The following SHANK2 variants were observed in gnomAD, a reference collection of about 807,000 sequenced individuals.
The protein encoded by SHANK2 is SH3 and multiple ankyrin repeat domains 2.
SHANK2 carries 43 observed loss-of-function variants against 133.7 expected under a neutral mutation model. The ratio of observed to expected loss-of-function variants is 0.32; its 90% confidence interval spans 0.25 to 0.41. The LOEUF (loss-of-function observed/expected upper bound fraction) is 0.41, where lower values mean the gene tolerates loss of function less well. Ranked by LOEUF, SHANK2 falls within the 10% of genes least tolerant of loss-of-function variation. SHANK2 has a pLI of 1.00. For missense variants in SHANK2, 1,994 were observed against 2,235.8 expected, an observed-to-expected ratio of 0.89 and a Z score of 2.18; for synonymous variants, 1,017 against 952.8, an observed-to-expected ratio of 1.07 and a Z score of -1.24.
chr11:70,531,013 AAAAT>A (rs1193243860), intron 17 of SHANK2, among the ~76,000 whole-genome samples: 7 of 151,804 alleles, frequency 4.6e-5, no homozygotes, highest in African/African-American at 9.7e-5. Flanking sequence ...TAAAAATACA[AAAAT>A]AAATAAATAA....
chr11:70,642,848 T>A (rs1258703563), intron 17 of SHANK2, among the ~76,000 whole-genome samples: 1 of 152,148 alleles, frequency 6.6e-6, no homozygotes, highest in South Asian at 2.1e-4. Context: ...AGATAAAGAA[T>A]ACAAGTTTTT....
Position 70,941,212 on chromosome 11 carries a change from C to T in SHANK2, c.1108-44645G>A, listed in dbSNP as rs376451044. 7.2e-5 allele frequency among the ~76,000 whole-genome samples: 11 copies of T among 152,268 alleles called. No individual in the cohort carries two copies. The East Asian group carries it at 9.6e-4, about 13-fold the overall frequency. ...GTGTATACAGTGGATACTCAATACA[C>T]GTAGTCCTCTCTCCCCTCCCCTGAG... is the stretch of plus-strand genomic sequence containing the variant. On this transcript the variant is annotated intron_variant, in intron 10 of 25. Coordinates refer to ENST00000601538, the MANE Select transcript of SHANK2 (RefSeq NM_012309.5).
chr11:70,743,086 C>T (rs939432097), intron 14 of SHANK2, among the ~76,000 whole-genome samples: 3 of 151,830 alleles, frequency 2.0e-5, no homozygotes, highest in Non-Finnish European at 2.9e-5. Flanking sequence ...TGAGGACCAG[C>T]GTGCATCTGC....
chr11:70,698,567 C>T (rs1945450014), intron 15 of SHANK2, 121 bp downstream of exon 15: 1 of 699,348 alleles, frequency 1.4e-6, no homozygotes, highest in Non-Finnish European at 2.6e-6. Flanking sequence ...AGCCCGGTAA[C>T]AGGCACAGGG....
At chr11:70,635,314 A>G (rs782120335) in intron 17 of SHANK2, 2 of 152,244 alleles carry the variant, frequency 1.3e-5, no homozygotes, top group African/African-American at 2.4e-5. Context: ...CTAAGTGTCC[A>G]CCTACAGATG....
Position 70,599,919 on chromosome 11 carries a change from GAA to G in SHANK2, c.2061+59907_2061+59908del, listed in dbSNP as rs782117589. Among the ~76,000 whole-genome samples, 146 of 59,156 alleles carry G rather than the reference GAA, an allele frequency of 2.5e-3. 3 individuals are homozygous for G. The highest frequency in any genetic ancestry group is 3.9e-3 in the African/African-American group (53 of 13,572). The allele number at this position is 59,156 out of a possible 152,430, so 38.8% of individuals were successfully genotyped here. A position where few individuals can be genotyped will look rare whatever the true frequency, so the allele number is the denominator to read the frequency against. ...AAAGAAAGAAAGAGAAAGAAAGAAAGAAAGAAAGAAAGAAAGAAAGAAAGAAA... is the reference window on the plus strand; with the variant it reads ...AAAGAAAGAAAGAGAAAGAAAGAAAGAGAAAGAAAGAAAGAAAGAAAGAAA... On this transcript the variant is annotated intron_variant, in intron 17 of 25. Transcript: ENST00000601538.
chr11:71,109,150 G>T (rs1555098583), intron 6 of SHANK2, among the ~76,000 whole-genome samples: 1 of 152,086 alleles, frequency 6.6e-6, no homozygotes, highest in Non-Finnish European at 1.5e-5. Flanking sequence ...CCCAGCCCAG[G>T]ACAGCCCACC....
At chr11:70,844,095 G>A (rs61885483) in intron 11 of SHANK2, among the ~76,000 whole-genome samples, 2,793 of 152,178 alleles carry the variant, frequency 0.018, 35 homozygotes, top group Non-Finnish European at 0.027. Flanking sequence ...ATGAGTGGGC[G>A]CCTCCATCCA....
chr11:70,566,249 G>T (rs1775471110), intron 17 of SHANK2: 1 of 152,168 alleles, frequency 6.6e-6, no homozygotes, highest in African/African-American at 2.4e-5. Context: ...AGATTTGGGT[G>T]GGGACAAAGC....
At chr11:70,478,876 G>C (rs575541602) in intron 25 of SHANK2, among the ~76,000 whole-genome samples, 1 of 152,362 alleles carries the variant, frequency 6.6e-6, no homozygotes. Flanking sequence ...GGGGCAGGCA[G>C]CCTGAGGCTC....
At chr11:70,622,355 C>A (rs1434497084) in intron 17 of SHANK2, among the ~76,000 whole-genome samples, 1 of 152,178 alleles carries the variant, frequency 6.6e-6, no homozygotes, top group Non-Finnish European at 1.5e-5. Flanking sequence ...AAACCACCCC[C>A]AGCCTCAGTC....
At chr11:70,816,559 AT>A (rs1205035534) in intron 12 of SHANK2, among the ~76,000 whole-genome samples, 1 of 152,222 alleles carries the variant, frequency 6.6e-6, no homozygotes, top group Non-Finnish European at 1.5e-5. Context: ...TTAGTGCCAC[AT>A]GGCCAGGGCC....
At chr11:70,766,963 T>C (rs191503375) in intron 14 of SHANK2, among the ~76,000 whole-genome samples, 2 of 152,350 alleles carry the variant, frequency 1.3e-5, no homozygotes, top group African/African-American at 4.8e-5. Flanking sequence ...AATAACTAGC[T>C]GTCCGGGAGA....
intron 8 of SHANK2, among the ~76,000 whole-genome samples, chr11:71,087,627 T>TTTGTTG (rs1236654031): frequency 2.0e-5 from 3 of 151,762 alleles, no homozygotes; most frequent in South Asian, 2.1e-4. Flanking sequence ...TTTAGCTGGT[T>TTTGTTG]TTGTTGTTGT....
intron 17 of SHANK2, among the ~76,000 whole-genome samples, chr11:70,549,440 G>A (rs2059736893): frequency 6.6e-6 from 1 of 152,240 alleles, no homozygotes; most frequent in Non-Finnish European, 1.5e-5. Flanking sequence ...TCTGTATTTA[G>A]GAAATGGAGC....
At chr11:71,097,467 A>G (rs1951637802) in intron 6 of SHANK2, among the ~76,000 whole-genome samples, 2 of 152,328 alleles carry the variant, frequency 1.3e-5, no homozygotes, top group South Asian at 4.1e-4. Context: ...AAATTTCTTT[A>G]GTTTTAAAAA....
intron 8 of SHANK2, among the ~76,000 whole-genome samples, chr11:71,091,060 C>T (rs1951510152): frequency 6.6e-6 from 1 of 152,140 alleles, no homozygotes; most frequent in African/African-American, 2.4e-5. Flanking sequence ...GGAGCTAGAG[C>T]CTAGCCAAGT....
chr11:70,820,629 T>C lies in SHANK2; in HGVS notation c.1228A>G (p.Thr410Ala), dbSNP rs1948497844. 1 of 710,844 alleles carries C rather than the reference T, an allele frequency of 1.4e-6. No individual in the cohort carries two copies. Among genetic ancestry groups the C allele is most frequent in the Non-Finnish European group, 2.6e-6 (1 of 381,356 alleles). The allele number at this position is 710,844 out of a possible 1,614,324, so 44.0% of individuals were successfully genotyped here. Residue 410 changes from threonine (T) to alanine (A), a missense_variant, in exon 12 of 26, where the codon ACG (threonine) becomes GCG (alanine). Thr to Ala is a moderately conservative substitution (Grantham distance 58). Around this residue, in one of 5 missense-constraint regions of SHANK2, gnomAD observed 653 missense variants for 563.4 expected, o/e 1.16. Coordinates refer to ENST00000601538, the MANE Select transcript of SHANK2 (RefSeq NM_012309.5). The part of the protein sequence containing the change: ...YSNRRRRPPN[T>A]LAAPRVLLRS... Reference sequence around the variant, plus strand: ...AGCAGGACCCGGGGGGCGGCCAGCGTGTTGGGGGGCCGCCGCCGGCGGTTG... The same window carrying C: ...AGCAGGACCCGGGGGGCGGCCAGCGCGTTGGGGGGCCGCCGCCGGCGGTTG...
intron 21 of SHANK2, among the ~76,000 whole-genome samples, chr11:70,495,208 T>C (rs1425528760): frequency 1.3e-5 from 2 of 152,186 alleles, no homozygotes; most frequent in East Asian, 3.9e-4. Flanking sequence ...CTGGGGTCCC[T>C]GTCAACCTCC....
Sources: allele counts gnomAD v4.1 joint callset (sites outside exome capture counted in the v4.1 genomes callset), GRCh38; gene constraint gnomAD v4.1.1; regional missense constraint gnomAD v4.1.1; transcripts MANE v1.5; gene names NCBI Gene and HGNC (gene_info 2026-07-23, HGNC 2026-07-21).